KCNT1: variants seen among roughly 807,000 people sequenced by gnomAD.
The protein encoded by KCNT1 is potassium sodium-activated channel subfamily T member 1, also known as potassium channel subfamily T member 1.
In KCNT1, 78 loss-of-function variants were observed where a neutral mutation model predicts 147.8. The observed-to-expected ratio is 0.53, with a 90% CI of 0.44 to 0.64. KCNT1 has a LOEUF of 0.64. Among genes scored for constraint, KCNT1 ranks in the 30% least tolerant of loss-of-function variants. KCNT1 has a pLI of 0.00. For missense variants in KCNT1, 1,419 were observed against 1,750.3 expected (o/e 0.81, Z 3.38); for synonymous variants, 867 against 748.8 (o/e 1.16, Z -2.58).
chr9:135,791,679 T>G, intron 29 of KCNT1, 118 bp from the exon 30 acceptor site: 1 of 838,224 alleles, frequency 1.2e-6, no homozygotes, highest in Middle Eastern at 2.4e-4. Context: ...TGGAGCAGAA[T>G]GGTCAGGAAG....
In KCNT1 at chr9:135,785,017, C is replaced by CCGGG. The variant is rs751067097; in HGVS notation, c.3156+128_3156+129insCGGG. On this transcript the variant is annotated intron_variant, in intron 27 of 30. Transcript: ENST00000371757. ...GTGTGACCCACAGCATCCCCACCTTCAGTGTCAGGGACCTGGGCTAGATCA... is the reference window on the plus strand; with the variant it reads ...GTGTGACCCACAGCATCCCCACCTTCCGGGAGTGTCAGGGACCTGGGCTAGATCA... The CCGGG allele has an allele frequency of 1.2e-4, 169 of 1,402,144 alleles. 1 individual carries two copies. The highest frequency in any genetic ancestry group is 8.6e-5 in the Admixed American group (4 of 46,622). The allele number at this position is 1,402,144 out of a possible 1,614,324, so 86.9% of individuals were successfully genotyped here.
chr9:135,704,369 G>A (rs1011670186), intron 1 of KCNT1, among the ~76,000 whole-genome samples: 1 of 152,262 alleles, frequency 6.6e-6, no homozygotes, highest in Non-Finnish European at 1.5e-5. Context: ...CCACGCTAGT[G>A]GTGTCCCTGA....
At chr9:135,765,592 T>C in intron 12 of KCNT1, 32 bp from the exon 13 acceptor site, 1 of 1,591,662 alleles carries the variant, frequency 6.3e-7, no homozygotes, top group Non-Finnish European at 8.6e-7. Context: ...AGGGGCTGGC[T>C]CAGAGGGTCT....
At chr9:135,736,564 G>T (rs1242954207) in intron 2 of KCNT1, 2 of 150,468 alleles carry the variant, frequency 1.3e-5, no homozygotes, top group Admixed American at 6.6e-5. Flanking sequence ...CGCGAGCTGA[G>T]ATGGTTCCGC....
intron 11 of KCNT1, 49 bp from the exon 12 acceptor site, chr9:135,764,982 C>T (rs1353645441): frequency 6.4e-7 from 1 of 1,563,112 alleles, no homozygotes; most frequent in Non-Finnish European, 8.7e-7. Context: ...ACCGGGAGCC[C>T]TCGCTCCCCA....
Position 135,768,614 on chromosome 9 carries a change from G to C in KCNT1, c.1342G>C (p.Asp448His). 1 of 1,550,418 alleles carries C rather than the reference G, an allele frequency of 6.4e-7. No individual in the cohort carries two copies. The part of the protein sequence containing the change: ...KDQDLMRAKM[D>H]NGEACFILSS... ...TCAGGCCCTGGTGCATTGCAGGATGGACAATGGGGAGGCCTGCTTCATCCT... is the reference window on the plus strand; with the variant it reads ...TCAGGCCCTGGTGCATTGCAGGATGCACAATGGGGAGGCCTGCTTCATCCT... The change falls in exon 14 of 31, where the codon GAC becomes CAC. Residue 448 changes from aspartate to histidine, a missense_variant. By Grantham distance (81) the Asp-to-His change is moderately conservative. This residue lies in a region of KCNT1 where 401 missense variants were observed against 610.6 expected (regional missense o/e 0.66). Coordinates refer to ENST00000371757, the MANE Select transcript of KCNT1 (RefSeq NM_020822.3).
At chr9:135,744,487 G>A (rs1800472149) in intron 2 of KCNT1, among the ~76,000 whole-genome samples, 1 of 152,192 alleles carries the variant, frequency 6.6e-6, no homozygotes, top group South Asian at 2.1e-4. Context: ...GGGCAGAGCC[G>A]CCACCTGGGG....
intron 2 of KCNT1, among the ~76,000 whole-genome samples, chr9:135,719,838 A>C (rs2131339079): frequency 6.6e-6 from 1 of 152,330 alleles, no homozygotes; most frequent in South Asian, 2.1e-4. Flanking sequence ...GCCTTGCCAC[A>C]GAAAGCCCGG....
chr9:135,726,129 G>C (rs952760597), intron 2 of KCNT1, among the ~76,000 whole-genome samples: 1 of 152,164 alleles, frequency 6.6e-6, no homozygotes, highest in African/African-American at 2.4e-5. Flanking sequence ...CTGCAGTCGT[G>C]GGGGCAGGGG....
At chr9:135,705,804 G>A (rs916859910) in intron 1 of KCNT1, among the ~76,000 whole-genome samples, 3 of 152,172 alleles carry the variant, frequency 2.0e-5, no homozygotes, top group Non-Finnish European at 4.4e-5. Context: ...AGGTTTGCAG[G>A]GGACAGTGGC....
At chr9:135,703,302 G>C (rs1297142726) in intron 1 of KCNT1, among the ~76,000 whole-genome samples, 3 of 152,212 alleles carry the variant, frequency 2.0e-5, no homozygotes, top group African/African-American at 7.2e-5. Flanking sequence ...AGAGAAGGGG[G>C]TGGAAGAGCA....
intron 2 of KCNT1, among the ~76,000 whole-genome samples, chr9:135,725,729 G>A (rs1197705316): frequency 2.0e-5 from 3 of 152,248 alleles, no homozygotes; most frequent in African/African-American, 7.2e-5. Flanking sequence ...TGGAGCTGTG[G>A]CTGCCCTTGC....
Position 135,765,638 on chromosome 9 carries a change from C to A in KCNT1, c.1215C>A (p.Val405=). Residue 405 remains valine, a synonymous_variant, in exon 13 of 31, where the codon GTC becomes GTA. Coordinates refer to ENST00000371757, the MANE Select transcript of KCNT1 (RefSeq NM_020822.3). ...AHPRLQDYYV[V]ILCPTEMDVQ... The stretch of plus-strand genomic sequence containing the variant: ...CTGGCCGGCAGGACTATTACGTGGT[C>A]ATCCTGTGCCCCACGGAGATGGATG... 6.2e-7 allele frequency: 1 copy of A among 1,610,332 alleles called. No homozygotes were observed. Among genetic ancestry groups the A allele is most frequent in the South Asian group, 1.1e-5 (1 of 90,640 alleles).
At chr9:135,732,770 CTCTCTCAT>C (rs1017651673) in intron 2 of KCNT1, among the ~76,000 whole-genome samples, 9 of 150,038 alleles carry the variant, frequency 6.0e-5, no homozygotes, top group African/African-American at 1.7e-4. Flanking sequence ...CTCTCTCTCT[CTCTCTCAT>C]TCTCTCTCTC....
At chr9:135,778,953 T>A in intron 23 of KCNT1, 131 bp downstream of exon 23, 1 of 931,840 alleles carries the variant, frequency 1.1e-6, no homozygotes, top group Admixed American at 3.8e-5. Context: ...CCACGGGCCC[T>A]CGCCCTGAGA....
chr9:135,784,510 C>A (rs1309336166), intron 25 of KCNT1, 25 bp from the exon 26 acceptor site: 12 of 493,718 alleles, frequency 2.4e-5, no homozygotes. Flanking sequence ...TCCCTCCCTC[C>A]CTCCCTCCCT....
chr9:135,742,432 C>A (rs949629574), intron 2 of KCNT1, among the ~76,000 whole-genome samples: 2 of 152,160 alleles, frequency 1.3e-5, no homozygotes, highest in Non-Finnish European at 1.5e-5. Context: ...GTGGTTGTCA[C>A]CCCCCCATCT....
intron 20 of KCNT1, among the ~76,000 whole-genome samples, 200 bp from the exon 21 acceptor site, chr9:135,777,138 G>A (rs1264643928): frequency 4.6e-5 from 7 of 152,218 alleles, no homozygotes; most frequent in African/African-American, 1.2e-4. Context: ...ACTGCTCTGT[G>A]CCGCCTGTGG....
At chr9:135,747,592 G>A (rs1201389263) in intron 2 of KCNT1, among the ~76,000 whole-genome samples, 1 of 152,168 alleles carries the variant, frequency 6.6e-6, no homozygotes, top group Non-Finnish European at 1.5e-5. Flanking sequence ...CCCCCAAAGA[G>A]ACACTTATGC....
Sources: gnomAD v4.1 joint callset for allele counts (sites outside exome capture counted in the v4.1 genomes callset) on GRCh38, gnomAD v4.1.1 for gene constraint, gnomAD v4.1.1 regional missense constraint, MANE v1.5 for transcripts, NCBI Gene and HGNC (gene_info 2026-07-23, HGNC 2026-07-21) for gene names.